Variants in ST6GALNAC1 observed in about 807,000 individuals in gnomAD.
The protein encoded by ST6GALNAC1 is alpha-N-acetylgalactosaminide alpha-2,6-sialyltransferase 1.
ST6GALNAC1 carries 45 observed loss-of-function variants against 56.8 expected under a neutral mutation model. The ratio of observed to expected loss-of-function variants is 0.79; its 90% CI spans 0.62 to 1.02. The LOEUF (loss-of-function observed/expected upper bound fraction) is 1.02, where lower values mean the gene tolerates loss of function less well. Among genes scored for constraint, ST6GALNAC1 ranks in the 50% least tolerant of loss-of-function variants. ST6GALNAC1 has a pLI of 0.00. For missense variants in ST6GALNAC1, 743 were observed against 754.8 expected, an observed-to-expected ratio of 0.98 and a Z score of 0.18; for synonymous variants, 295 against 297.8, an observed-to-expected ratio of 0.99 and a Z score of 0.10.
chr17:76,620,616 C>T (rs2075729865), downstream of ST6GALNAC1, among the ~76,000 whole-genome samples: 1 of 151,320 alleles, frequency 6.6e-6, no homozygotes, highest in Admixed American at 6.6e-5. Context: ...TGCTCTGTCA[C>T]CCAGGCTGAA....
rs757839035 is a variant in ST6GALNAC1, at chr17:76,626,638, C to T, written c.1311+13G>A. On this transcript the variant is annotated intron_variant, in intron 5 of 8. Coordinates refer to ENST00000156626, the MANE Select transcript of ST6GALNAC1 (RefSeq NM_018414.5). ...GAGTCTGGGTGTGGCCAGGCTCCTTCCTCTTTGCTCACCTTCCCAAGAGGC... is the reference window on the plus strand; with the variant it reads ...GAGTCTGGGTGTGGCCAGGCTCCTTTCTCTTTGCTCACCTTCCCAAGAGGC... 2 of 1,614,072 alleles carry T rather than the reference C, an allele frequency of 1.2e-6. No homozygotes were observed. The highest frequency in any genetic ancestry group is 1.1e-5 in the South Asian group (1 of 91,072).
chr17:76,632,614 C>A (rs956093518), intron 1 of ST6GALNAC1, among the ~76,000 whole-genome samples: 1 of 152,124 alleles, frequency 6.6e-6, no homozygotes, highest in Non-Finnish European at 1.5e-5. Context: ...ATTAAATACA[C>A]CTGTGATTGC....
In ST6GALNAC1 at chr17:76,641,236, C is replaced by G. The variant is rs183961767; in HGVS notation, c.131+2272G>C. Among the ~76,000 whole-genome samples, 279 of 152,278 alleles carry G rather than the reference C, an allele frequency of 1.8e-3. 1 individual carries two copies. Among genetic ancestry groups the G allele is most frequent in the African/African-American group, 6.5e-3 (272 of 41,554 alleles). On this transcript the variant is annotated intron_variant, in intron 1 of 8. Coordinates refer to ENST00000156626, the MANE Select transcript of ST6GALNAC1 (RefSeq NM_018414.5). ...CCCCACGAAATGCTTAAAAGGTAACCTGACGCTTTGTTCGGGGCTCAGTTT... is the reference window on the plus strand; with the variant it reads ...CCCCACGAAATGCTTAAAAGGTAACGTGACGCTTTGTTCGGGGCTCAGTTT...
chr17:76,627,710 C>T lies in ST6GALNAC1; in HGVS notation c.832-127G>A. The T allele has an allele frequency of 1.2e-6, 1 of 824,172 alleles. No homozygotes were observed. The highest frequency in any genetic ancestry group is 1.9e-6 in the Non-Finnish European group (1 of 524,550). 51.1% of individuals were successfully genotyped at this position (824,172 alleles called of 1,614,324 possible). ...CGCGGCCTCTGCTACCTCTTCCATT[C>T]TGTTCTCAGGGTCTGCTTACCCTCC... On this transcript the variant is annotated intron_variant, in intron 2 of 8. Transcript: ENST00000156626. The surrounding 1 kb of genome is among the most constrained non-coding windows in gnomAD (Gnocchi z 4.4).
intron 1 of ST6GALNAC1, among the ~76,000 whole-genome samples, chr17:76,642,255 C>T (rs962817135): frequency 6.6e-6 from 1 of 150,730 alleles, no homozygotes; most frequent in Non-Finnish European, 1.5e-5. Flanking sequence ...ATCTATCTAT[C>T]GGGCTTGTAT....
chr17:76,628,251 C>CCTCT, intron 2 of ST6GALNAC1, among the ~76,000 whole-genome samples: 1 of 62,130 alleles, frequency 1.6e-5, no homozygotes, highest in Non-Finnish European at 3.5e-5. Flanking sequence ...TCCCTCCCTC[C>CCTCT]CTCCCTCCCT....
intron 1 of ST6GALNAC1, among the ~76,000 whole-genome samples, chr17:76,636,701 C>T (rs1056683899): frequency 6.6e-6 from 1 of 152,054 alleles, no homozygotes; most frequent in South Asian, 2.1e-4. Flanking sequence ...GTCGGGGGCG[C>T]CTCTGACCGC....
chr17:76,626,814 G>A lies in ST6GALNAC1; in HGVS notation c.1173-25C>T, dbSNP rs192210281. 46 of 1,613,492 alleles carry A rather than the reference G, an allele frequency of 2.9e-5. 1 individual carries two copies. The highest frequency in any genetic ancestry group is 8.0e-5 in the African/African-American group (6 of 75,038). ...TCTGTGCAGAAAGACACAATCAGAC[G>A]GGACAGGTGAGCAGAGGAGGGAGAT... On this transcript the variant is annotated intron_variant, in intron 4 of 8. Coordinates refer to ENST00000156626, the MANE Select transcript of ST6GALNAC1 (RefSeq NM_018414.5).
In ST6GALNAC1 at chr17:76,628,746, G is replaced by C. The variant is rs561218817; in HGVS notation, c.831+266C>G. Among the ~76,000 whole-genome samples, 4 of 152,194 alleles carry C rather than the reference G, an allele frequency of 2.6e-5. 1 individual carries two copies. Among genetic ancestry groups the C allele is most frequent in the Non-Finnish European group, 5.9e-5 (4 of 68,040 alleles). ...TCCAGGCCTCAGGAGCTCCAGGGCA[G>C]GCCCCATCTCACTCACCCCTCTTAC... is the stretch of plus-strand genomic sequence containing the variant. On this transcript the variant is annotated intron_variant, in intron 2 of 8. Transcript: ENST00000156626.
downstream of ST6GALNAC1, among the ~76,000 whole-genome samples, chr17:76,620,284 C>T (rs142488771): frequency 0.18 from 28,048 of 151,872 alleles, 2,665 homozygotes; most frequent in African/African-American, 0.2. Context: ...AGGTGATCTG[C>T]CTGCCTCGGT....
Position 76,627,195 on chromosome 17 carries a change from C to T in ST6GALNAC1, c.1044G>A (p.Gln348=). 6.3e-7 allele frequency: 1 copy of T among 1,597,242 alleles called. No individual in the cohort carries two copies. The highest frequency in any genetic ancestry group is 8.5e-7 in the Non-Finnish European group (1 of 1,171,444). Residue 348 remains glutamine (Q), a synonymous_variant, in exon 4 of 9, where the codon CAG becomes CAA. Coordinates refer to ENST00000156626, the MANE Select transcript of ST6GALNAC1 (RefSeq NM_018414.5). The surrounding 1 kb of genome is among the most constrained non-coding windows in gnomAD (Gnocchi z 4.4). The part of the protein sequence containing the change: ...VVTRFPPVPQ[Q]QLLLASLPAG... ...CGGGGAGGCTGGCCAGGAGCAGCTG[C>T]TGCTGGGGCACTGGAGGGAAGCGTG...
At chr17:76,643,386 AC>A in intron 1 of ST6GALNAC1, 121 bp downstream of exon 1, 1 of 1,066,416 alleles carries the variant, frequency 9.4e-7, no homozygotes, top group Non-Finnish European at 1.3e-6. Flanking sequence ...AACACTCCTG[AC>A]CCCTGACACT....
the ST6GALNAC1 span, among the ~76,000 whole-genome samples, chr17:76,619,748 T>G: frequency 9.5e-6 from 1 of 105,034 alleles, no homozygotes; most frequent in Non-Finnish European, 2.3e-5. Context: ...TAGTTTTTTT[T>G]TTTTTTTTTT....
At chr17:76,632,229 G>T (rs1288465382) in intron 1 of ST6GALNAC1, among the ~76,000 whole-genome samples, 1 of 152,176 alleles carries the variant, frequency 6.6e-6, no homozygotes, top group Admixed American at 6.5e-5. Context: ...CCTCGGCAGA[G>T]AGGAATTCTG....
At position 76,625,309 on chromosome 17, in the gene ST6GALNAC1, C is replaced by T. The variant is rs770917684; in HGVS notation, c.*21G>A. 1 of 1,609,612 alleles carries T rather than the reference C, an allele frequency of 6.2e-7. No homozygotes were observed. On this transcript the variant is annotated 3_prime_UTR_variant, in exon 9 of 9. Transcript: ENST00000156626. The stretch of plus-strand genomic sequence containing the variant: ...CTGTGCCTTGGAGCAGGCAAGGAGA[C>T]CATGGCAGCCCTGGCCCCGGTCAGT...
At position 76,629,586 on chromosome 17, in the gene ST6GALNAC1, A is replaced by G; in HGVS notation, c.257T>C (p.Leu86Pro). 1 of 1,612,926 alleles carries G rather than the reference A, an allele frequency of 6.2e-7. No individual in the cohort carries two copies. The highest frequency in any genetic ancestry group is 8.5e-7 in the Non-Finnish European group (1 of 1,179,690). The change falls in exon 2 of 9, where the codon CTC becomes CCC. Residue 86 changes from leucine (L) to proline (P), a missense_variant. Physicochemically the swap from Leu to Pro is moderately conservative, Grantham distance 98. Transcript: ENST00000156626. Reference protein sequence around the residue: ...YAEPVPENNALNTQTQPKAHT... With the variant: ...YAEPVPENNAPNTQTQPKAHT... ...GGCCTTGGGCTGGGTTTGTGTGTTG[A>G]GGGCATTGTTCTCTGGCACTGGCTC...
downstream of ST6GALNAC1, among the ~76,000 whole-genome samples, chr17:76,623,190 T>C (rs1230338166): frequency 6.6e-6 from 1 of 152,234 alleles, no homozygotes; most frequent in Admixed American, 6.5e-5. Context: ...TTGGGTCTAT[T>C]TCTGGACCTT....
rs748162481 is a variant in ST6GALNAC1, at chr17:76,626,072, C to T, written c.1439G>A (p.Arg480Gln). The T allele has an allele frequency of 5.9e-5, 95 of 1,613,962 alleles. 1 individual carries two copies. In the Admixed American group the frequency reaches 1.3e-3, roughly 21 times the overall value. The change falls in exon 7 of 9, where the codon CGG (arginine) becomes CAG (glutamine). Residue 480 changes from arginine (R) to glutamine (Q), a missense_variant. Transcript: ENST00000156626. ...GTACCTGTCCATGTGCAGGGCTTCCCGAAAAGCTTCCTGGGGTCTGTGCCT... is the reference window on the plus strand; with the variant it reads ...GTACCTGTCCATGTGCAGGGCTTCCTGAAAAGCTTCCTGGGGTCTGTGCCT... ...WFRHRPQEAF[R>Q]EALHMDRYLL...
chr17:76,627,379 T>C lies in ST6GALNAC1; in HGVS notation c.1000+36A>G. The C allele has an allele frequency of 6.2e-7, 1 of 1,609,570 alleles. No homozygotes were observed. The highest frequency in any genetic ancestry group is 2.2e-5 in the East Asian group (1 of 44,862). On this transcript the variant is annotated intron_variant, in intron 3 of 8. Transcript: ENST00000156626. This position sits in a 1 kb window ranked among gnomAD's most constrained non-coding sequence, Gnocchi z 4.4. ...CCCTCTGCCCTCTGCCCCGGCCTAC[T>C]GCGCACCCACACCTTCCCCTGGGTT...
Sources: gnomAD v4.1 joint callset for allele counts (sites outside exome capture counted in the v4.1 genomes callset) on GRCh38, gnomAD v4.1.1 for gene constraint, Gnocchi (gnomAD v3.1) non-coding constraint, MANE v1.5 for transcripts, NCBI Gene and HGNC (gene_info 2026-07-23, HGNC 2026-07-21) for gene names.